The following JMJD1C variants were observed in gnomAD, a reference collection of about 807,000 sequenced individuals.
The protein encoded by JMJD1C is jumonji domain containing 1C.
In JMJD1C, 31 loss-of-function variants were observed where a neutral mutation model predicts 245.3. The ratio of observed to expected loss-of-function variants is 0.13; its 90% CI spans 0.09 to 0.17. JMJD1C has a LOEUF of 0.17. JMJD1C is among the 10% of genes least tolerant of loss of function. The pLI is 1.00. For missense variants in JMJD1C, 2,691 were observed against 3,000.2 expected, an observed-to-expected ratio of 0.90 and a Z score of 2.41; for synonymous variants, 1,057 against 1,017.4, an observed-to-expected ratio of 1.04 and a Z score of -0.74.
At chr10:63,370,072 G>C (rs376316342) in intron 2 of JMJD1C, among the ~76,000 whole-genome samples, 2 of 152,158 alleles carry the variant, frequency 1.3e-5, no homozygotes, top group African/African-American at 4.8e-5. Flanking sequence ...CTTCACTGAC[G>C]AAACTCACAT....
At chr10:63,331,817 G>A (rs941164389) in intron 2 of JMJD1C, among the ~76,000 whole-genome samples, 3 of 151,942 alleles carry the variant, frequency 2.0e-5, no homozygotes, top group Admixed American at 1.3e-4. Flanking sequence ...ATGGGGTTTC[G>A]CCATACTGGC....
At chr10:63,343,788 A>G (rs948768613) in intron 2 of JMJD1C, among the ~76,000 whole-genome samples, 1 of 152,150 alleles carries the variant, frequency 6.6e-6, no homozygotes, top group Non-Finnish European at 1.5e-5. Context: ...CTATAATCCC[A>G]TAACTTTGGG....
intron 14 of JMJD1C, 169 bp from the exon 15 acceptor site, chr10:63,193,641 T>A (rs1845102088): frequency 4.1e-6 from 2 of 487,024 alleles, no homozygotes; most frequent in Admixed American, 7.7e-5. Context: ...CAGTTTTGAT[T>A]ATTCAACCAA....
At chr10:63,311,533 A>C (rs566689283) in intron 2 of JMJD1C, among the ~76,000 whole-genome samples, 1 of 152,230 alleles carries the variant, frequency 6.6e-6, no homozygotes, top group Non-Finnish European at 1.5e-5. Context: ...AAAGTTATTA[A>C]AAAGAATTAT....
At chr10:63,399,902 A>G (rs866890329) in intron 1 of JMJD1C, among the ~76,000 whole-genome samples, 1 of 152,038 alleles carries the variant, frequency 6.6e-6, no homozygotes, top group East Asian at 1.9e-4. Context: ...CCTGTTCCCT[A>G]TAATAAATTA....
At chr10:63,479,044 GGT>G (rs1482433648) in intron 1 of JMJD1C, among the ~76,000 whole-genome samples, 2 of 152,096 alleles carry the variant, frequency 1.3e-5, no homozygotes, top group Non-Finnish European at 2.9e-5. Flanking sequence ...TTCCCTAGCA[GGT>G]GTTTTGTTTT....
intron 8 of JMJD1C, 122 bp downstream of exon 8, chr10:63,213,351 C>T (rs940243936): frequency 3.2e-5 from 21 of 653,666 alleles, no homozygotes; most frequent in Non-Finnish European, 5.1e-5. Context: ...GGAAAAACAA[C>T]CGAAAAATTC....
intron 2 of JMJD1C, among the ~76,000 whole-genome samples, chr10:63,303,067 C>CA (rs1860290222): frequency 6.6e-6 from 1 of 151,476 alleles, no homozygotes; most frequent in Non-Finnish European, 1.5e-5. Flanking sequence ...TCTCGAAACT[C>CA]AAAGAAAGTA....
Position 63,200,604 on chromosome 10 carries a change from T to C in JMJD1C, c.5148A>G (p.Leu1716=), listed in dbSNP as rs771806473. ...KKLKQTGESF[L]QDDSCCEIGP... is the part of the protein sequence containing the mutation. ...CTATCTCACAGCAGGAGTCATCCTG[T>C]AAAAAGGATTCCCCAGTTTGCTTCA... The change falls in exon 11 of 26, where the codon TTA becomes TTG. Residue 1716 remains leucine, a synonymous_variant. Transcript: ENST00000399262. 5 of 1,613,980 alleles carry C rather than the reference T, an allele frequency of 3.1e-6. No homozygotes were observed. Among genetic ancestry groups the C allele is most frequent in the Non-Finnish European group, 4.2e-6 (5 of 1,179,892 alleles).
chr10:63,502,870 G>A (rs975344925), intron 1 of JMJD1C, among the ~76,000 whole-genome samples: 1 of 152,028 alleles, frequency 6.6e-6, no homozygotes, highest in Non-Finnish European at 1.5e-5. Flanking sequence ...AGACTATTCC[G>A]AGAAACATGA....
chr10:63,416,151 C>T lies in JMJD1C; in HGVS notation c.169-35669G>A, dbSNP rs139100162. ...AAAAAATAAAAAAGCCAACCAAAGA[C>T]GATACTTGCGATTAAATAACACTAA... On this transcript the variant is annotated intron_variant, in intron 1 of 25. Transcript: ENST00000399262. 8.9e-4 allele frequency among the ~76,000 whole-genome samples: 136 copies of T among 152,160 alleles called. 1 individual carries two copies. In the East Asian group the frequency reaches 0.025, roughly 27 times the overall value.
At chr10:63,510,004 G>T (rs1001446916) in intron 1 of JMJD1C, among the ~76,000 whole-genome samples, 1 of 113,602 alleles carries the variant, frequency 8.8e-6, no homozygotes, top group African/African-American at 2.7e-5. Flanking sequence ...ACTGATTTTA[G>T]ATCTTTTTTT....
chr10:63,363,739 T>C (rs1265455225), intron 2 of JMJD1C, among the ~76,000 whole-genome samples: 1 of 151,928 alleles, frequency 6.6e-6, no homozygotes. Context: ...CATGCTGGAG[T>C]GCAGTGATGG....
intron 3 of JMJD1C, chr10:63,222,280 T>C (rs1934257414): frequency 2.1e-6 from 2 of 961,530 alleles, no homozygotes; most frequent in African/African-American, 1.6e-5. Context: ...CTGTCGAGAT[T>C]GGTGTTAAAA....
intron 2 of JMJD1C, among the ~76,000 whole-genome samples, chr10:63,376,238 A>G (rs866355740): frequency 6.6e-6 from 1 of 151,924 alleles, no homozygotes; most frequent in African/African-American, 2.4e-5. Context: ...ATCTACACGT[A>G]AAAAAAAGCT....
At chr10:63,173,843 C>A (rs1842625854) in intron 24 of JMJD1C, among the ~76,000 whole-genome samples, 1 of 151,740 alleles carries the variant, frequency 6.6e-6, no homozygotes, top group Non-Finnish European at 1.5e-5. Context: ...AAAAAACACT[C>A]AAAACTCAGT....
chr10:63,243,103 T>TTATATA (rs10607355), intron 3 of JMJD1C, among the ~76,000 whole-genome samples: 7,254 of 119,976 alleles, frequency 0.06, 462 homozygotes, highest in Non-Finnish European at 0.066. Context: ...CTAACATAAA[T>TTATATA]TATATATATA....
At chr10:63,477,134 A>G (rs80137395) in intron 1 of JMJD1C, among the ~76,000 whole-genome samples, 5,617 of 152,226 alleles carry the variant, frequency 0.037, 332 homozygotes, top group East Asian at 0.29. Context: ...TAATATTCTA[A>G]TAAGACTCAA....
chr10:63,327,660 TA>T (rs1941672808), intron 2 of JMJD1C, among the ~76,000 whole-genome samples: 1 of 140,520 alleles, frequency 7.1e-6, no homozygotes, highest in African/African-American at 2.6e-5. Flanking sequence ...GTATCAAGGG[TA>T]CACAGAAAAA....
Sources: gnomAD v4.1 joint callset for allele counts (sites outside exome capture counted in the v4.1 genomes callset) on GRCh38, gnomAD v4.1.1 for gene constraint, MANE v1.5 for transcripts, NCBI Gene and HGNC (gene_info 2026-07-23, HGNC 2026-07-21) for gene names.